Variants in POLD1 observed in about 807,000 individuals in gnomAD.
POLD1 encodes DNA polymerase delta 1, catalytic subunit.
POLD1 carries 79 observed loss-of-function variants against 129.7 expected under a neutral mutation model. The ratio of observed to expected loss-of-function variants is 0.61; its 90% confidence interval spans 0.51 to 0.73. The LOEUF (loss-of-function observed/expected upper bound fraction) is 0.73. Ranked by LOEUF, POLD1 falls within the 30% of genes least tolerant of loss-of-function variation. The probability of loss-of-function intolerance (pLI) is 0.00; values close to 1 mark genes in which losing one functional copy is unlikely to be tolerated. For missense variants in POLD1, 1,338 were observed against 1,595.8 expected (o/e 0.84, Z 2.75); for synonymous variants, 714 against 683.3 (o/e 1.04, Z -0.70).
chr19:50,413,153 G>T (rs941867778), intron 17 of POLD1, among the ~76,000 whole-genome samples: 1 of 152,178 alleles, frequency 6.6e-6, no homozygotes, highest in Non-Finnish European at 1.5e-5. Flanking sequence ...TCTTCAGGCC[G>T]CAGTCTTTCC....
intron 1 of POLD1, among the ~76,000 whole-genome samples, chr19:50,384,976 G>A (rs1027785311): frequency 3.3e-5 from 5 of 152,188 alleles, no homozygotes; most frequent in Non-Finnish European, 5.9e-5. Context: ...TGGCGTATTT[G>A]TAGCAGGAGC....
At chr19:50,417,302 G>T (rs1207723349) in intron 26 of POLD1, 33 bp downstream of exon 26, 1 of 1,463,504 alleles carries the variant, frequency 6.8e-7, no homozygotes, top group Admixed American at 1.9e-5. Context: ...GGGCTGCCCC[G>T]CCCCTTCCCA....
rs1057522945 is a variant in POLD1, at chr19:50,413,862, C to T, written c.2371C>T (p.Arg791Trp). The T allele has an allele frequency of 2.5e-6, 4 of 1,604,350 alleles. No homozygotes were observed. Among genetic ancestry groups the T allele is most frequent in the Non-Finnish European group, 3.4e-6 (4 of 1,174,978 alleles). Residue 791 changes from arginine (R) to tryptophan (W), a missense_variant, in exon 19 of 27, where the codon CGG becomes TGG. By Grantham distance (101) the Arg-to-Trp change is moderately radical. Transcript: ENST00000440232. ...GTCAGGTCACTTCCCGTCGCCCATC[C>T]GGCTGGAGTTTGAGAAGGTGCGTGG... ...WVSGHFPSPI[R>W]LEFEKVYFPY...
intron 20 of POLD1, 135 bp from the exon 21 acceptor site, chr19:50,415,303 T>A: frequency 1.1e-6 from 1 of 869,710 alleles, no homozygotes; most frequent in South Asian, 1.7e-5. Context: ...CTGCAGCCTA[T>A]GGTAGGAAGG....
intron 26 of POLD1, among the ~76,000 whole-genome samples, 157 bp from the exon 27 acceptor site, chr19:50,417,685 C>T (rs1051886618): frequency 2.8e-5 from 4 of 142,524 alleles, no homozygotes; most frequent in Admixed American, 1.4e-4. Flanking sequence ...CCCCCCCACC[C>T]CCCCCGTGCC....
intron 1 of POLD1, among the ~76,000 whole-genome samples, chr19:50,385,526 C>CTTTTTT (rs760846797): frequency 7.8e-6 from 1 of 128,920 alleles, no homozygotes; most frequent in Non-Finnish European, 1.6e-5. Context: ...ACTGTCTTCT[C>CTTTTTT]TTTTTTTTTT....
intron 3 of POLD1, among the ~76,000 whole-genome samples, chr19:50,401,486 C>T (rs546551741): frequency 1.3e-5 from 2 of 148,650 alleles, no homozygotes; most frequent in South Asian, 2.1e-4. Flanking sequence ...AGCGATCCTC[C>T]CGCCTTGGCC....
At chr19:50,389,830 C>T (rs1268307130) in intron 1 of POLD1, among the ~76,000 whole-genome samples, 2 of 151,844 alleles carry the variant, frequency 1.3e-5, no homozygotes, top group African/African-American at 2.4e-5. Context: ...AGGTGATCCG[C>T]CCGCCTTGGG....
chr19:50,400,198 C>T (rs1302322649), intron 3 of POLD1, among the ~76,000 whole-genome samples: 2 of 102,418 alleles, frequency 2.0e-5, no homozygotes, highest in African/African-American at 3.6e-5. Context: ...GGCTGGAGTG[C>T]ACCTGGCCAA....
rs774030917 is a variant in POLD1 at position 50,402,238 on chromosome 19, C to T, written c.623C>T (p.Pro208Leu). ...MFGYHGHGPS[P>L]FLRITVALPR... ...GGGTACCACGGGCACGGCCCCTCCCCGTTCCTGCGCATCACCGTGGCGCTG... is the reference window on the plus strand; with the variant it reads ...GGGTACCACGGGCACGGCCCCTCCCTGTTCCTGCGCATCACCGTGGCGCTG... Residue 208 changes from proline to leucine, a missense_variant, in exon 6 of 27, where the codon CCG becomes CTG. Pro to Leu is a moderately conservative substitution (Grantham distance 98, BLOSUM62 -3). Transcript: ENST00000440232. 1.4e-5 allele frequency: 22 copies of T among 1,592,620 alleles called. No individual in the cohort carries two copies. The highest frequency in any genetic ancestry group is 4.6e-5 in the South Asian group (4 of 87,496).
At position 50,408,898 on chromosome 19, in the gene POLD1, TG is replaced by T. The variant is rs2122370786; in HGVS notation, c.1892+1del. The T allele has an allele frequency of 6.2e-7, 1 of 1,609,096 alleles. No homozygotes were observed. The highest frequency in any genetic ancestry group is 8.5e-7 in the Non-Finnish European group (1 of 1,177,474). On this transcript the variant is annotated frameshift_variant and splice_region_variant, in exon 15 of 27. Coordinates refer to ENST00000440232, the MANE Select transcript of POLD1 (RefSeq NM_002691.4). LOFTEE classifies it high-confidence loss of function. ...TLLRPGTAQK[L>X]GLTEDQFIRT... ...CTTCGGCCCGGGACTGCACAGAAACTGGGGTATAGTGCCCAATTCAGCATGT... is the reference window on the plus strand; with the variant it reads ...CTTCGGCCCGGGACTGCACAGAAACTGGGTATAGTGCCCAATTCAGCATGT...
intron 18 of POLD1, 62 bp from the exon 19 acceptor site, chr19:50,413,680 G>A (rs933689868): frequency 1.9e-5 from 30 of 1,559,170 alleles, no homozygotes; most frequent in South Asian, 4.7e-5. Flanking sequence ...GCCACCCCCC[G>A]ACACCAGTAG....
Position 50,398,570 on chromosome 19 carries a change from C to CAA in POLD1, c.-1-260_-1-259dup, listed in dbSNP as rs35689550. Among the ~76,000 whole-genome samples the CAA allele has an allele frequency of 0.082, 5,188 of 63,052 alleles. 768 individuals are homozygous for CAA. The highest frequency in any genetic ancestry group is 0.15 in the African/African-American group (2,099 of 14,432). The allele number at this position is 63,052 out of a possible 152,430, so 41.4% of individuals were successfully genotyped here. On this transcript the variant is annotated intron_variant, in intron 1 of 26. Transcript: ENST00000440232. Reference sequence around the variant, plus strand: ...GGGTGACAAGAGCACAATTCCATCTCAAAAAAAAAAAAAAAAAAAAAAGCA... The same window carrying CAA: ...GGGTGACAAGAGCACAATTCCATCTCAAAAAAAAAAAAAAAAAAAAAAAAGCA...
rs183681284 is a variant in POLD1, at chr19:50,396,239, G to A, written c.-1-2612G>A. On this transcript the variant is annotated intron_variant, in intron 1 of 26. Transcript: ENST00000440232. ...GTAGCCATAATTACAGGTGTGTACC[G>A]CCACACCCAGCTAATTTTTTTGTAT... Among the ~76,000 whole-genome samples the A allele has an allele frequency of 3.1e-3, 463 of 150,714 alleles. 2 individuals are homozygous for A. The highest frequency in any genetic ancestry group is 9.5e-3 in the African/African-American group (391 of 41,056).
At chr19:50,407,673 C>T (rs2038946105) in intron 14 of POLD1, among the ~76,000 whole-genome samples, 1 of 151,274 alleles carries the variant, frequency 6.6e-6, no homozygotes, top group Non-Finnish European at 1.5e-5. Flanking sequence ...ATTCTCCTAC[C>T]TCAGTCTCCA....
At chr19:50,404,005 TG>T (rs1459704641) in intron 10 of POLD1, among the ~76,000 whole-genome samples, 1 of 152,042 alleles carries the variant, frequency 6.6e-6, no homozygotes, top group African/African-American at 2.4e-5. Context: ...TCTGCATGTG[TG>T]TAAGGGTGGA....
At chr19:50,397,596 G>A (rs1455323805) in intron 1 of POLD1, among the ~76,000 whole-genome samples, 1 of 151,874 alleles carries the variant, frequency 6.6e-6, no homozygotes, top group Non-Finnish European at 1.5e-5. Flanking sequence ...GTGGAGATGG[G>A]GTTTCACCAT....
Position 50,398,907 on chromosome 19 carries a change from G to T in POLD1, c.56G>T (p.Arg19Leu), listed in dbSNP as rs3218773. ...CCCGGGGTGCCCCCAAAGCGGGCCC[G>T]TGGGGGCCTCTGGGATGATGATGAT... ...PGPGVPPKRA[R>L]GGLWDDDDAP... The change falls in exon 2 of 27, where the codon CGT (arginine) becomes CTT (leucine). Residue 19 changes from arginine (R) to leucine (L), a missense_variant. Transcript: ENST00000440232. 6.2e-7 allele frequency: 1 copy of T among 1,600,528 alleles called. No homozygotes were observed. The highest frequency in any genetic ancestry group is 1.3e-5 in the African/African-American group (1 of 74,914).
intron 17 of POLD1, among the ~76,000 whole-genome samples, chr19:50,412,761 G>T (rs1386750148): frequency 6.7e-6 from 1 of 149,908 alleles, no homozygotes; most frequent in Non-Finnish European, 1.5e-5. Context: ...GTATTTTTTA[G>T]TTTTGTGTGT....
Sources: allele counts gnomAD v4.1 joint callset (sites outside exome capture counted in the v4.1 genomes callset), GRCh38; gene constraint gnomAD v4.1.1; transcripts MANE v1.5; gene names NCBI Gene and HGNC (gene_info 2026-07-23, HGNC 2026-07-21).